DRC4: variants seen among roughly 807,000 people sequenced by gnomAD.
DRC4 encodes dynein regulatory complex subunit 4.
At chr16:90,043,772 G>A in the DRC4 span, 1 of 472,834 alleles carries the variant, frequency 2.1e-6, no homozygotes, top group South Asian at 1.5e-5. Context: ...TGCCCAGTGG[G>A]ATTCTCCAGG....
chr16:90,026,896 CTTTTTT>C, the DRC4 span, among the ~76,000 whole-genome samples: 1 of 142,434 alleles, frequency 7.0e-6, no homozygotes, highest in African/African-American at 2.6e-5. Context: ...CCTCTCTTTT[CTTTTTT>C]TTTTTTTTTA....
chr16:90,038,224 G>T, the DRC4 span, among the ~76,000 whole-genome samples: 1 of 152,204 alleles, frequency 6.6e-6, no homozygotes, highest in African/African-American at 2.4e-5. Flanking sequence ...TGTAAGTGAA[G>T]ATGAGTCTCC....
At chr16:90,042,903 G>C in the DRC4 span, 1 of 512,918 alleles carries the variant, frequency 1.9e-6, no homozygotes, top group East Asian at 3.2e-5. Context: ...GAAACACCCA[G>C]CCAGGGCCCA....
the DRC4 span, chr16:90,022,473 A>C: frequency 2.3e-6 from 1 of 438,986 alleles, no homozygotes; most frequent in Non-Finnish European, 4.1e-6. Flanking sequence ...AGCAATAAGC[A>C]AAACATGCCC....
the DRC4 span, chr16:90,042,524 C>T: frequency 2.5e-6 from 4 of 1,613,598 alleles, no homozygotes; most frequent in Non-Finnish European, 3.4e-6. Context: ...TGAGCTGGCC[C>T]AGGTCTGTAA....
the DRC4 span, among the ~76,000 whole-genome samples, chr16:90,025,605 G>A: frequency 7.7e-6 from 1 of 130,194 alleles, no homozygotes; most frequent in African/African-American, 3.0e-5. Context: ...AGCTGAGATC[G>A]CACCATTGCA....
chr16:90,033,057 T>G, the DRC4 span: 1 of 946,006 alleles, frequency 1.1e-6, no homozygotes. Flanking sequence ...TTTTTGCAAT[T>G]TGTTGAAAAA....
chr16:90,034,201 T>C, the DRC4 span, among the ~76,000 whole-genome samples: 1 of 152,170 alleles, frequency 6.6e-6, no homozygotes, highest in African/African-American at 2.4e-5. Flanking sequence ...TGGAAGAAAC[T>C]TGGTGACGTT....
At chr16:90,033,157 C>T in the DRC4 span, among the ~76,000 whole-genome samples, 6 of 152,176 alleles carry the variant, frequency 3.9e-5, no homozygotes, top group South Asian at 4.2e-4. Flanking sequence ...TTGACGTCAC[C>T]GAAGAGAAAA....
chr16:90,021,700 C>T, the DRC4 span, among the ~76,000 whole-genome samples: 1 of 151,690 alleles, frequency 6.6e-6, no homozygotes, highest in Non-Finnish European at 1.5e-5. Flanking sequence ...GACCCCGTCT[C>T]TATTAAAAAC....
the DRC4 span, chr16:90,019,788 C>G: frequency 1.0e-5 from 7 of 690,562 alleles, no homozygotes; most frequent in Non-Finnish European, 1.8e-5. The surrounding 1 kb of genome is among the most constrained non-coding windows in gnomAD (Gnocchi z 6.1). Flanking sequence ...TGTGGGGCGC[C>G]GACTGTGTGC....
At chr16:90,042,755 A>G in the DRC4 span, 1 of 570,956 alleles carries the variant, frequency 1.8e-6, no homozygotes, top group Non-Finnish European at 3.2e-6. Context: ...CTCTGCTGGG[A>G]TGGGTGTAGG....
chr16:90,033,571 C>T, the DRC4 span, among the ~76,000 whole-genome samples: 13 of 152,138 alleles, frequency 8.5e-5, no homozygotes, highest in African/African-American at 1.9e-4. Context: ...GAGGCTGAGG[C>T]GGGAGGATCC....
the DRC4 span, chr16:90,042,639 C>A: frequency 1.1e-6 from 1 of 918,428 alleles, no homozygotes; most frequent in Non-Finnish European, 1.7e-6. Flanking sequence ...CTTCGTACCT[C>A]GTTTGACAAG....
At chr16:90,020,134 A>G in the DRC4 span, 2 of 592,788 alleles carry the variant, frequency 3.4e-6, no homozygotes, top group African/African-American at 3.8e-5. Flanking sequence ...AGCAAATTAT[A>G]TACACATTAG....
At chr16:90,040,462 T>TGGACC in the DRC4 span, 1 of 1,609,996 alleles carries the variant, frequency 6.2e-7, no homozygotes, top group African/African-American at 1.3e-5. Flanking sequence ...CCTGGCTGCC[T>TGGACC]CTAACCTGGA....
the DRC4 span, chr16:90,022,829 C>A: frequency 9.0e-7 from 1 of 1,116,564 alleles, no homozygotes; most frequent in Non-Finnish European, 1.2e-6. Context: ...AGGCCTGGAG[C>A]GCTGGGTTTC....
the DRC4 span, chr16:90,027,846 C>T: frequency 3.6e-6 from 3 of 826,918 alleles, 1 homozygote; most frequent in Middle Eastern, 6.7e-4. Context: ...GAACACGCCC[C>T]CCGCGTGGCC....
chr16:90,041,985 T>C, the DRC4 span, among the ~76,000 whole-genome samples: 1 of 152,064 alleles, frequency 6.6e-6, no homozygotes, highest in African/African-American at 2.4e-5. Flanking sequence ...TCACCCAGAC[T>C]GGAGTGCAGT....
Sources: allele counts gnomAD v4.1 joint callset (sites outside exome capture counted in the v4.1 genomes callset), GRCh38; gene constraint gnomAD v4.1.1; non-coding constraint Gnocchi (gnomAD v3.1); transcripts MANE v1.5; gene names NCBI Gene and HGNC (gene_info 2026-07-23, HGNC 2026-07-21).